Variants in CNOT1 observed in about 807,000 individuals in gnomAD.
The protein encoded by CNOT1 is CCR4-associated factor 1.
CNOT1 carries 15 observed loss-of-function variants against 273.8 expected under a neutral mutation model. The ratio of observed to expected loss-of-function variants is 0.05; its 90% confidence interval spans 0.04 to 0.08. The LOEUF (loss-of-function observed/expected upper bound fraction) is 0.08, where lower values mean the gene tolerates loss of function less well. CNOT1 is among the 10% of genes least tolerant of loss of function. The probability of loss-of-function intolerance (pLI) is 1.00; values close to 1 mark genes in which losing one functional copy is unlikely to be tolerated. For synonymous variants in CNOT1, 1,022 were observed against 1,005.5 expected (o/e 1.02, Z -0.31); for missense variants, 1,644 against 2,912.2 (o/e 0.56, Z 10.02).
intron 1 of CNOT1, among the ~76,000 whole-genome samples, chr16:58,605,821 T>C (rs2042656519): frequency 6.6e-6 from 1 of 152,104 alleles, no homozygotes; most frequent in Non-Finnish European, 1.5e-5. Flanking sequence ...GCCACACGGC[T>C]AATTTTTGTA....
chr16:58,570,408 C>T (rs2041226852), intron 16 of CNOT1, among the ~76,000 whole-genome samples: 1 of 152,102 alleles, frequency 6.6e-6, no homozygotes, highest in Non-Finnish European at 1.5e-5. Context: ...GAAGCTAAAA[C>T]GGGAGATCAG....
intron 19 of CNOT1, among the ~76,000 whole-genome samples, chr16:58,556,324 GC>G (rs941977768): frequency 6.6e-6 from 1 of 152,150 alleles, no homozygotes; most frequent in African/African-American, 2.4e-5. Context: ...ATTCAGACAA[GC>G]CTTTCACACT....
intron 44 of CNOT1, among the ~76,000 whole-genome samples, chr16:58,527,220 TA>T (rs1458593691): frequency 6.6e-6 from 1 of 151,682 alleles, no homozygotes; most frequent in Non-Finnish European, 1.5e-5. Context: ...ATGGGGTCAA[TA>T]AAAAATAATA....
At chr16:58,528,281 A>G in intron 44 of CNOT1, 194 bp downstream of exon 44, 1 of 618,780 alleles carries the variant, frequency 1.6e-6, no homozygotes, top group Non-Finnish European at 2.9e-6. Flanking sequence ...CTGTGAACCA[A>G]TATTCACCAG....
intron 14 of CNOT1, among the ~76,000 whole-genome samples, chr16:58,575,723 C>T (rs964320442): frequency 2.0e-5 from 3 of 151,936 alleles, no homozygotes; most frequent in Non-Finnish European, 2.9e-5. Context: ...CACTTGAACC[C>T]GGGAGGCAGA....
chr16:58,585,585 A>G (rs1195395131), intron 7 of CNOT1, 79 bp from the exon 8 acceptor site: 2 of 1,516,468 alleles, frequency 1.3e-6, no homozygotes, highest in Non-Finnish European at 1.8e-6. Flanking sequence ...AAATCCCCTC[A>G]AACCCAATTC....
chr16:58,548,438 A>G (rs1001781661), intron 25 of CNOT1: 1 of 480,128 alleles, frequency 2.1e-6, no homozygotes, highest in Non-Finnish European at 4.1e-6. Context: ...GCTACAGAGT[A>G]TGTGGAAACT....
At chr16:58,600,537 T>C (rs1460955363) in intron 1 of CNOT1, among the ~76,000 whole-genome samples, 1 of 152,214 alleles carries the variant, frequency 6.6e-6, no homozygotes, top group Non-Finnish European at 1.5e-5. Context: ...GACCTATTTA[T>C]AAGACACTAT....
chr16:58,540,487 ATATTCAGAAGTGT>A (rs2040059382), intron 34 of CNOT1, among the ~76,000 whole-genome samples: 1 of 152,252 alleles, frequency 6.6e-6, no homozygotes, highest in South Asian at 2.1e-4. Context: ...TTAGCCTATA[ATATTCAGAAGTGT>A]TATGGTCATG....
rs1447473322 is a variant in CNOT1 at position 58,587,953 on chromosome 16, C to T, written c.211-75G>A. Reference sequence around the variant, plus strand: ...CAAACAGAAGCTGAGGTACTCAGAACATTAAAATGTGATCTAACACTATAT... The same window carrying T: ...CAAACAGAAGCTGAGGTACTCAGAATATTAAAATGTGATCTAACACTATAT... On this transcript the variant is annotated intron_variant, in intron 3 of 48. Coordinates refer to ENST00000317147, the MANE Select transcript of CNOT1 (RefSeq NM_016284.5). 6.4e-6 allele frequency: 9 copies of T among 1,397,032 alleles called. No individual in the cohort carries two copies. The African/African-American group carries it at 1.1e-4, about 18-fold the overall frequency. The allele number at this position is 1,397,032 out of a possible 1,614,324, so 86.5% of individuals were successfully genotyped here.
chr16:58,572,894 C>A (rs559129869), intron 16 of CNOT1, among the ~76,000 whole-genome samples: 189 of 123,770 alleles, frequency 1.5e-3, no homozygotes, highest in Admixed American at 4.5e-3. Context: ...GGCAATAGAG[C>A]AAGACTCTGT....
rs779368816 is a variant in CNOT1, at chr16:58,587,309, T to C, written c.378+36A>G. 5 of 1,613,596 alleles carry C rather than the reference T, an allele frequency of 3.1e-6. No homozygotes were observed. The East Asian group carries it at 8.9e-5, about 29-fold the overall frequency. On this transcript the variant is annotated intron_variant, in intron 5 of 48. Transcript: ENST00000317147. Reference sequence around the variant, plus strand: ...AGAGTCAAATGGCTGTTTTTAATTCTAGTTTTGTCTACATCTCTTTTCATA... The same window carrying C: ...AGAGTCAAATGGCTGTTTTTAATTCCAGTTTTGTCTACATCTCTTTTCATA...
chr16:58,592,687 A>C (rs1262243947), intron 2 of CNOT1, among the ~76,000 whole-genome samples: 1 of 152,248 alleles, frequency 6.6e-6, no homozygotes, highest in Non-Finnish European at 1.5e-5. Context: ...TCAGAAATTA[A>C]AATGTTTAGG....
In CNOT1 at chr16:58,599,261, C is replaced by G; in HGVS notation, c.77G>C (p.Arg26Pro). Residue 26 changes from arginine to proline, a missense_variant, in exon 2 of 49, where the codon CGA becomes CCA. By Grantham distance (103) the Arg-to-Pro change is moderately radical. Transcript: ENST00000317147. The part of the protein sequence containing the change: ...LVDNLTKKNY[R>P]ASQQEIQHIV... ...ATGCTGTATTTCCTGCTGGCTGGCT[C>G]GGTAATTTTTCTTGGTTAAATTGTC... is the stretch of plus-strand genomic sequence containing the variant. 6.2e-7 allele frequency: 1 copy of G among 1,614,082 alleles called. No homozygotes were observed. Among genetic ancestry groups the G allele is most frequent in the Non-Finnish European group, 8.5e-7 (1 of 1,180,030 alleles).
At chr16:58,607,510 T>A (rs923493255) in intron 1 of CNOT1, among the ~76,000 whole-genome samples, 2 of 151,944 alleles carry the variant, frequency 1.3e-5, no homozygotes, top group Admixed American at 6.6e-5. Flanking sequence ...GGCATTCACC[T>A]GAGGTCAGAA....
At position 58,520,773 on chromosome 16, in the gene CNOT1, T is replaced by C. The variant is rs1466361058; in HGVS notation, c.*185A>G. 1.7e-6 allele frequency: 1 copy of C among 605,024 alleles called. No individual in the cohort carries two copies. Among genetic ancestry groups the C allele is most frequent in the Non-Finnish European group, 2.9e-6 (1 of 348,538 alleles). 37.5% of individuals were successfully genotyped at this position (605,024 alleles called of 1,614,324 possible). On this transcript the variant is annotated 3_prime_UTR_variant, in exon 49 of 49. Coordinates refer to ENST00000317147, the MANE Select transcript of CNOT1 (RefSeq NM_016284.5). ...AAATTTTGGCCAAGAGTCAAAAAAA[T>C]GCATTTAAACTTTGGAACGTGCCCA...
At chr16:58,608,998 G>C (rs2042790605) in intron 1 of CNOT1, among the ~76,000 whole-genome samples, 1 of 152,162 alleles carries the variant, frequency 6.6e-6, no homozygotes, top group South Asian at 2.1e-4. Flanking sequence ...GTGGGAAGGG[G>C]ATGAGGAATA....
chr16:58,523,200 G>T, intron 47 of CNOT1, 170 bp downstream of exon 47: 1 of 504,028 alleles, frequency 2.0e-6, no homozygotes, highest in Non-Finnish European at 3.2e-6. Context: ...AGCCAAGATG[G>T]CGCCACTGTA....
At chr16:58,556,150 A>G (rs927523214) in intron 19 of CNOT1, among the ~76,000 whole-genome samples, 1 of 152,190 alleles carries the variant, frequency 6.6e-6, no homozygotes, top group African/African-American at 2.4e-5. Context: ...ATTAACACAA[A>G]AGTTAACTTG....
Sources: gnomAD v4.1 joint callset for allele counts (sites outside exome capture counted in the v4.1 genomes callset) on GRCh38, gnomAD v4.1.1 for gene constraint, MANE v1.5 for transcripts, NCBI Gene and HGNC (gene_info 2026-07-23, HGNC 2026-07-21) for gene names.